DNAH8: variants seen among roughly 807,000 people sequenced by gnomAD.
DNAH8 encodes axonemal beta dynein heavy chain 8.
DNAH8 carries 382 observed loss-of-function variants against 562.1 expected under a neutral mutation model. The observed-to-expected ratio is 0.68, with a 90% CI of 0.63 to 0.74. The LOEUF (loss-of-function observed/expected upper bound fraction) is 0.74. DNAH8 is among the 30% of genes least tolerant of loss of function. DNAH8 has a pLI of 0.00. For missense variants in DNAH8, 5,203 were observed against 5,620.4 expected, an observed-to-expected ratio of 0.93 and a Z score of 2.37; for synonymous variants, 1,881 against 1,919.4, an observed-to-expected ratio of 0.98 and a Z score of 0.52.
intron 41 of DNAH8, among the ~76,000 whole-genome samples, chr6:38,856,006 C>T (rs1583194491): frequency 6.6e-6 from 1 of 152,186 alleles, no homozygotes; most frequent in African/African-American, 2.4e-5. Context: ...TGAAACCAGT[C>T]CCTGGTGCCA....
Position 38,737,173 on chromosome 6 carries a change from G to T in DNAH8, c.869G>T (p.Gly290Val), listed in dbSNP as rs1764165865. Residue 290 changes from glycine to valine, a missense_variant, in exon 6 of 93, where the codon GGT becomes GTT. Transcript: ENST00000327475. ...LPAVLATNNW[G>V]ALNQSKQGES... ...GCTGTTCTTGCAACAAACAACTGGG[G>T]TGCTTTAAACCAGTCCAAGCAGGGA... 6.3e-7 allele frequency: 1 copy of T among 1,581,378 alleles called. No individual in the cohort carries two copies. Among genetic ancestry groups the T allele is most frequent in the Non-Finnish European group, 8.6e-7 (1 of 1,165,496 alleles).
chr6:38,984,470 G>GCACA (rs34819199), intron 87 of DNAH8, 163 bp downstream of exon 87: 5,180 of 506,406 alleles, frequency 0.01, 37 homozygotes, highest in East Asian at 0.046. Context: ...GCACACACAT[G>GCACA]CACACACACA....
intron 56 of DNAH8, among the ~76,000 whole-genome samples, chr6:38,884,565 A>G (rs1778772658): frequency 6.6e-6 from 1 of 152,130 alleles, no homozygotes; most frequent in East Asian, 1.9e-4. Context: ...AAGTGCTGGG[A>G]TTACAGGCAT....
At chr6:38,824,946 G>A (rs763665123) in intron 28 of DNAH8, among the ~76,000 whole-genome samples, 2 of 152,164 alleles carry the variant, frequency 1.3e-5, no homozygotes, top group Non-Finnish European at 2.9e-5. Flanking sequence ...AACTTCTGTA[G>A]CGTTTTGGAA....
chr6:38,965,423 G>C (rs1046240845), intron 82 of DNAH8, among the ~76,000 whole-genome samples: 2 of 152,130 alleles, frequency 1.3e-5, no homozygotes, highest in Non-Finnish European at 2.9e-5. Context: ...TTAGAATAAA[G>C]ATCTCTAGGG....
chr6:38,893,537 G>A (rs950803835), intron 58 of DNAH8, among the ~76,000 whole-genome samples: 8 of 152,078 alleles, frequency 5.3e-5, no homozygotes, highest in East Asian at 1.9e-4. Flanking sequence ...TAACCTTACC[G>A]CTTTGAGTAT....
chr6:38,720,419 C>A (rs572473603), intron 1 of DNAH8, among the ~76,000 whole-genome samples: 1 of 152,292 alleles, frequency 6.6e-6, no homozygotes. Context: ...AACCCCTAGC[C>A]AGCATTCCCA....
At chr6:38,947,267 G>C (rs1347575612) in intron 80 of DNAH8, among the ~76,000 whole-genome samples, 2 of 152,224 alleles carry the variant, frequency 1.3e-5, no homozygotes, top group Non-Finnish European at 2.9e-5. Context: ...AAGTTCAGCG[G>C]AGACCTGCAG....
chr6:38,898,906 C>G (rs1779885521), intron 61 of DNAH8, among the ~76,000 whole-genome samples: 1 of 152,088 alleles, frequency 6.6e-6, no homozygotes, highest in African/African-American at 2.4e-5. Flanking sequence ...TAATTATTGA[C>G]CATTCACCGT....
rs1328970789 is a variant in DNAH8 at position 38,775,997 on chromosome 6, CAGT to C, written c.1962+51_1962+53del. ...TTACTTAGTAAAGCTGAAAAGTAGT[CAGT>C]AGTACTATCTGGTACTTTTTGTAAA... On this transcript the variant is annotated intron_variant, in intron 13 of 92. Coordinates refer to ENST00000327475, the MANE Select transcript of DNAH8 (RefSeq NM_001206927.2). The C allele has an allele frequency of 3.3e-6, 4 of 1,207,308 alleles. No homozygotes were observed. The African/African-American group carries it at 4.5e-5, about 14-fold the overall frequency. 74.8% of individuals were successfully genotyped at this position (1,207,308 alleles called of 1,614,324 possible).
At chr6:38,910,334 CTGTG>C (rs1780794759) in intron 65 of DNAH8, among the ~76,000 whole-genome samples, 1 of 152,206 alleles carries the variant, frequency 6.6e-6, no homozygotes, top group African/African-American at 2.4e-5. Flanking sequence ...ATGACAGTCA[CTGTG>C]TAAGATTGAC....
At chr6:38,796,241 C>T (rs569740893) in intron 21 of DNAH8, among the ~76,000 whole-genome samples, 4 of 152,332 alleles carry the variant, frequency 2.6e-5, no homozygotes, top group East Asian at 1.9e-4. Context: ...GTGCCTTTCA[C>T]GGTACCAGCA....
Position 38,924,005 on chromosome 6 carries a change from T to C in DNAH8, c.10805T>C (p.Ile3602Thr), listed in dbSNP as rs752577718. 1 of 1,613,996 alleles carries C rather than the reference T, an allele frequency of 6.2e-7. No individual in the cohort carries two copies. The highest frequency in any genetic ancestry group is 1.7e-5 in the Admixed American group (1 of 60,014). The part of the protein sequence containing the change: ...KAQINRLVGD[I>T]LLCTGFLSYL... ...TTTCTTCACAGACTTGTAGGTGATA[T>C]TCTGCTGTGCACGGGATTCCTTTCC... The change falls in exon 73 of 93, where the codon ATT (isoleucine) becomes ACT (threonine). Residue 3602 changes from isoleucine (I) to threonine (T), a missense_variant. Ile to Thr is a moderately conservative substitution (Grantham distance 89). Coordinates refer to ENST00000327475, the MANE Select transcript of DNAH8 (RefSeq NM_001206927.2).
intron 41 of DNAH8, 110 bp downstream of exon 41, chr6:38,853,457 G>A (rs1300535849): frequency 2.5e-6 from 3 of 1,204,526 alleles, no homozygotes; most frequent in Non-Finnish European, 3.5e-6. Context: ...CTTTGAATTA[G>A]GTTAGAGTGG....
intron 41 of DNAH8, among the ~76,000 whole-genome samples, chr6:38,856,165 G>A (rs1563008656): frequency 6.6e-6 from 1 of 152,034 alleles, no homozygotes; most frequent in African/African-American, 2.4e-5. Context: ...ACTTCTCTGA[G>A]GTCAGCTTTA....
intron 36 of DNAH8, among the ~76,000 whole-genome samples, chr6:38,846,660 C>T (rs1775322964): frequency 6.6e-6 from 1 of 152,116 alleles, no homozygotes; most frequent in Non-Finnish European, 1.5e-5. Flanking sequence ...GCAAAGATGA[C>T]CATAGGATAT....
At chr6:39,025,198 C>A (rs1257294087) in intron 91 of DNAH8, among the ~76,000 whole-genome samples, 1 of 152,228 alleles carries the variant, frequency 6.6e-6, no homozygotes, top group African/African-American at 2.4e-5. Flanking sequence ...CCCCATCTGG[C>A]AAACTCCTAT....
intron 26 of DNAH8, among the ~76,000 whole-genome samples, chr6:38,818,980 G>A (rs1232841754): frequency 6.6e-6 from 1 of 152,166 alleles, no homozygotes; most frequent in Non-Finnish European, 1.5e-5. Context: ...TTTCTTGCTG[G>A]ACATTTATTA....
At chr6:38,834,425 TAGAA>T (rs1328038884) in intron 31 of DNAH8, among the ~76,000 whole-genome samples, 150 bp from the exon 32 acceptor site, 3 of 152,114 alleles carry the variant, frequency 2.0e-5, no homozygotes, top group Non-Finnish European at 4.4e-5. Context: ...ATAAAGCTGT[TAGAA>T]ATAAATAAAA....
Sources: gnomAD v4.1 joint callset for allele counts (sites outside exome capture counted in the v4.1 genomes callset) on GRCh38, gnomAD v4.1.1 for gene constraint, MANE v1.5 for transcripts, NCBI Gene and HGNC (gene_info 2026-07-23, HGNC 2026-07-21) for gene names.